Variants in NRXN3 observed in about 807,000 individuals in gnomAD.
NRXN3 encodes the protein neurexin 3, also known as neurexin III.
A neutral mutation model predicts 137.6 loss-of-function variants in NRXN3; 32 were observed. The observed-to-expected ratio is 0.23, with a 90% confidence interval of 0.18 to 0.31. The LOEUF is 0.31. Among genes scored for constraint, NRXN3 ranks in the 10% least tolerant of loss-of-function variants. The probability of loss-of-function intolerance (pLI) is 1.00; values close to 1 mark genes in which losing one functional copy is unlikely to be tolerated. For synonymous variants in NRXN3, 798 were observed against 784.5 expected (o/e 1.02, Z -0.29); for missense variants, 1,574 against 2,062.5 (o/e 0.76, Z 4.59).
chr14:78,470,274 A>T (rs1395264928), intron 4 of NRXN3, among the ~76,000 whole-genome samples: 3 of 152,218 alleles, frequency 2.0e-5, no homozygotes, highest in African/African-American at 7.2e-5. Flanking sequence ...TGTGAAAAGG[A>T]CATATTTATG....
rs144696059 is a variant in NRXN3 at position 78,791,107 on chromosome 14, C to A, written c.2045-12513C>A. Among the ~76,000 whole-genome samples the A allele has an allele frequency of 2.3e-3, 350 of 152,270 alleles. 2 individuals are homozygous for A. Among genetic ancestry groups the A allele is most frequent in the African/African-American group, 8.2e-3 (339 of 41,568 alleles). ...TCATTCTCTTCCTACAGTCCATTTT[C>A]CTTATAGTTTTTACTTTTCTTTTTG... On this transcript the variant is annotated intron_variant, in intron 8 of 20. Transcript: ENST00000335750.
chr14:78,359,964 C>G (rs1384394369), intron 4 of NRXN3, among the ~76,000 whole-genome samples: 1 of 152,180 alleles, frequency 6.6e-6, no homozygotes, highest in African/African-American at 2.4e-5. Context: ...TCTTCTGGCA[C>G]TTTTCCCTCA....
rs572946970 is a variant in NRXN3, at chr14:79,728,667, G to A, written c.4014+30730G>A. On this transcript the variant is annotated intron_variant, in intron 19 of 20. Transcript: ENST00000335750. ...TGATATGGATGTGATAACATGGAGC[G>A]GAGAGGTGCCATAATGATTTCCTTT... 1.2e-4 allele frequency among the ~76,000 whole-genome samples: 18 copies of A among 152,270 alleles called. No homozygotes were observed. In the East Asian group the frequency reaches 1.7e-3, roughly 15 times the overall value.
At chr14:78,814,941 T>A (rs1224250138) in intron 10 of NRXN3, among the ~76,000 whole-genome samples, 1 of 152,208 alleles carries the variant, frequency 6.6e-6, no homozygotes, top group East Asian at 1.9e-4. Flanking sequence ...ATAGCTTGAA[T>A]GAATACAGTA....
intron 6 of NRXN3, among the ~76,000 whole-genome samples, chr14:78,679,344 T>C (rs1056224310): frequency 6.6e-6 from 1 of 152,160 alleles, no homozygotes; most frequent in African/African-American, 2.4e-5. Context: ...TACCTTATCA[T>C]TGTTATTAGT....
At chr14:78,268,708 C>A (rs1006576053) in intron 2 of NRXN3, among the ~76,000 whole-genome samples, 2 of 152,152 alleles carry the variant, frequency 1.3e-5, no homozygotes, top group African/African-American at 4.8e-5. Context: ...ATATTAACTT[C>A]CCTGAGCCTT....
chr14:79,072,028 T>G (rs1048509956), intron 15 of NRXN3: 3 of 152,172 alleles, frequency 2.0e-5, no homozygotes, highest in Non-Finnish European at 4.4e-5. Flanking sequence ...ACTATTTATT[T>G]TTGATTTCAG....
intron 15 of NRXN3, among the ~76,000 whole-genome samples, chr14:79,108,254 A>C (rs563494336): frequency 5.8e-4 from 89 of 152,180 alleles, no homozygotes; most frequent in Non-Finnish European, 1.1e-3. Context: ...TTCCTGAAGT[A>C]CTTTGTGTGA....
At chr14:79,848,939 T>G (rs781615197) in intron 20 of NRXN3, among the ~76,000 whole-genome samples, 7 of 152,234 alleles carry the variant, frequency 4.6e-5, no homozygotes, top group Non-Finnish European at 8.8e-5. Flanking sequence ...AAAACAGAAC[T>G]TTGGATTCCC....
At chr14:78,390,804 C>T (rs1328159289) in intron 4 of NRXN3, among the ~76,000 whole-genome samples, 2 of 152,230 alleles carry the variant, frequency 1.3e-5, no homozygotes, top group South Asian at 2.1e-4. Flanking sequence ...TTAAGTTCCA[C>T]GATACATGTG....
At chr14:78,660,671 A>G (rs1399111096) in intron 6 of NRXN3, among the ~76,000 whole-genome samples, 1 of 152,208 alleles carries the variant, frequency 6.6e-6, no homozygotes, top group Non-Finnish European at 1.5e-5. Context: ...GGAAGAAACT[A>G]GGCCTTAGTG....
intron 4 of NRXN3, among the ~76,000 whole-genome samples, chr14:78,543,069 G>C (rs544146817): frequency 6.6e-6 from 1 of 152,064 alleles, no homozygotes; most frequent in African/African-American, 2.4e-5. Context: ...GGCCACTGTA[G>C]CCTCATAGGT....
chr14:78,892,142 G>C (rs181324454), intron 10 of NRXN3, among the ~76,000 whole-genome samples: 55 of 152,072 alleles, frequency 3.6e-4, no homozygotes, highest in African/African-American at 1.3e-3. Context: ...TGGGGGTCTA[G>C]CAATTTATGG....
At chr14:78,840,995 A>G (rs1446422630) in intron 10 of NRXN3, among the ~76,000 whole-genome samples, 1 of 152,030 alleles carries the variant, frequency 6.6e-6, no homozygotes, top group African/African-American at 2.4e-5. Context: ...CATTATCTCT[A>G]TTTTCCACAT....
intron 4 of NRXN3, among the ~76,000 whole-genome samples, chr14:78,334,699 CCA>C (rs2081252135): frequency 6.6e-6 from 1 of 152,062 alleles, no homozygotes; most frequent in Non-Finnish European, 1.5e-5. Context: ...AGTTTACGTA[CCA>C]CAGTCTGAAT....
chr14:78,830,602 T>C (rs1350681192), intron 10 of NRXN3, among the ~76,000 whole-genome samples: 1 of 152,094 alleles, frequency 6.6e-6, no homozygotes, highest in East Asian at 1.9e-4. Context: ...ATTTTTTTCT[T>C]GGTGTTTCCT....
chr14:79,719,147 G>T (rs1371190497), intron 19 of NRXN3, among the ~76,000 whole-genome samples: 1 of 151,916 alleles, frequency 6.6e-6, no homozygotes, highest in African/African-American at 2.4e-5. Context: ...GAAATCTTAT[G>T]CTAATTATCT....
chr14:79,566,601 A>G (rs1237863896), intron 16 of NRXN3, among the ~76,000 whole-genome samples: 1 of 152,148 alleles, frequency 6.6e-6, no homozygotes, highest in Non-Finnish European at 1.5e-5. Context: ...ATAAATGCCC[A>G]GACATACATC....
chr14:78,829,443 C>T (rs1199484409), intron 10 of NRXN3, among the ~76,000 whole-genome samples: 1 of 152,066 alleles, frequency 6.6e-6, no homozygotes, highest in Admixed American at 6.6e-5. Flanking sequence ...GGTTAAGGAT[C>T]CATAGGTCTA....
Sources: gnomAD v4.1 joint callset for allele counts (sites outside exome capture counted in the v4.1 genomes callset) on GRCh38, gnomAD v4.1.1 for gene constraint, MANE v1.5 for transcripts, NCBI Gene and HGNC (gene_info 2026-07-23, HGNC 2026-07-21) for gene names.